Variants in RBFOX1 observed in about 807,000 individuals in gnomAD.
The protein encoded by RBFOX1 is RNA binding protein fox-1 homolog 1.
RBFOX1 carries 8 observed loss-of-function variants against 57.7 expected under a neutral mutation model. That is an observed-to-expected ratio of 0.14 (90% CI 0.08 to 0.25). The LOEUF (loss-of-function observed/expected upper bound fraction) is 0.25. Among genes scored for constraint, RBFOX1 ranks in the 10% least tolerant of loss-of-function variants. RBFOX1 has a pLI of 1.00. For missense variants in RBFOX1, 611 were observed against 548.5 expected (o/e 1.11, Z -1.14); for synonymous variants, 326 against 222.4 (o/e 1.47, Z -4.15).
At chr16:6,540,658 C>G (rs1232164751) in intron 2 of RBFOX1, among the ~76,000 whole-genome samples, 1 of 143,104 alleles carries the variant, frequency 7.0e-6, no homozygotes, top group Non-Finnish European at 1.5e-5. Flanking sequence ...AGTCTCTGTA[C>G]AGACGTTTCA....
At chr16:7,167,346 T>G (rs534670853) in intron 4 of RBFOX1, among the ~76,000 whole-genome samples, 2 of 152,002 alleles carry the variant, frequency 1.3e-5, no homozygotes, top group East Asian at 3.9e-4. Flanking sequence ...CATCCTGGAC[T>G]TAGAGTGGAC....
At chr16:7,200,177 C>G (rs565963111) in intron 4 of RBFOX1, among the ~76,000 whole-genome samples, 1 of 152,178 alleles carries the variant, frequency 6.6e-6, no homozygotes, top group Non-Finnish European at 1.5e-5. Context: ...GAATATAATG[C>G]AAAATCCTAG....
chr16:5,391,839 C>T (rs933871938), intron 1 of RBFOX1, among the ~76,000 whole-genome samples: 1 of 150,456 alleles, frequency 6.6e-6, no homozygotes, highest in Admixed American at 6.6e-5. Context: ...TACACACACA[C>T]CATATATAAA....
chr16:5,330,337 A>G (rs1302703190), intron 1 of RBFOX1, among the ~76,000 whole-genome samples: 1 of 152,210 alleles, frequency 6.6e-6, no homozygotes, highest in African/African-American at 2.4e-5. Context: ...TTACTAGAAT[A>G]AAAATTATAA....
chr16:6,943,241 C>T (rs1051021038), intron 3 of RBFOX1, among the ~76,000 whole-genome samples: 3 of 152,190 alleles, frequency 2.0e-5, no homozygotes, highest in Non-Finnish European at 4.4e-5. Flanking sequence ...AAGAGAAAGC[C>T]AGCAGTCAAT....
rs557589949 is a variant in RBFOX1 at position 7,270,687 on chromosome 16, T to C, written c.27+218589T>C. On this transcript the variant is annotated intron_variant, in intron 4 of 15. Transcript: ENST00000550418. ...TACTATTCTACCTTCTCTTTAAAAATGGAAGCTCTGGAAACATTCACTACT... is the reference window on the plus strand; with the variant it reads ...TACTATTCTACCTTCTCTTTAAAAACGGAAGCTCTGGAAACATTCACTACT... Among the ~76,000 whole-genome samples, 12 of 152,282 alleles carry C rather than the reference T, an allele frequency of 7.9e-5. No individual in the cohort carries two copies. In the South Asian group the frequency reaches 2.1e-3, roughly 26 times the overall value.
intron 4 of RBFOX1, among the ~76,000 whole-genome samples, chr16:7,252,160 C>T (rs1032236107): frequency 6.6e-6 from 1 of 152,198 alleles, no homozygotes; most frequent in Non-Finnish European, 1.5e-5. Context: ...ATGAGAACTC[C>T]TATTTCTTAC....
At chr16:6,621,022 T>C (rs1270667242) in intron 2 of RBFOX1, among the ~76,000 whole-genome samples, 1 of 152,230 alleles carries the variant, frequency 6.6e-6, no homozygotes, top group Non-Finnish European at 1.5e-5. Flanking sequence ...AAGGAGAATC[T>C]GATCCTTGCA....
At chr16:6,508,102 C>G (rs769534405) in intron 2 of RBFOX1, among the ~76,000 whole-genome samples, 2 of 152,132 alleles carry the variant, frequency 1.3e-5, no homozygotes, top group African/African-American at 2.4e-5. Flanking sequence ...CCTTAGCAAA[C>G]TAATGCAGGA....
rs112120345 is a variant in RBFOX1 at position 7,458,269 on chromosome 16, T to C, written c.28-59878T>C. 3.3e-5 allele frequency among the ~76,000 whole-genome samples: 5 copies of C among 152,264 alleles called. 1 individual carries two copies. The highest frequency in any genetic ancestry group is 1.2e-4 in the African/African-American group (5 of 41,552). Reference sequence around the variant, plus strand: ...GCAAAGGACCAGCGTCTAATGACCATGTGAATGCAGGAATTATGTGATTGT... The same window carrying C: ...GCAAAGGACCAGCGTCTAATGACCACGTGAATGCAGGAATTATGTGATTGT... On this transcript the variant is annotated intron_variant, in intron 4 of 15. Coordinates refer to ENST00000550418, the MANE Select transcript of RBFOX1 (RefSeq NM_018723.4).
At chr16:5,818,616 C>A (rs936117712) in intron 3 of RBFOX1, among the ~76,000 whole-genome samples, 1 of 152,138 alleles carries the variant, frequency 6.6e-6, no homozygotes, top group East Asian at 1.9e-4. Flanking sequence ...TTAGTTTTGA[C>A]GAGAAATTAG....
chr16:7,213,036 T>C (rs2091434200), intron 4 of RBFOX1, among the ~76,000 whole-genome samples: 1 of 152,142 alleles, frequency 6.6e-6, no homozygotes, highest in African/African-American at 2.4e-5. Context: ...CTTGCTTTTA[T>C]AGATGAGCAG....
chr16:6,919,311 A>G (rs900954534), intron 3 of RBFOX1, among the ~76,000 whole-genome samples: 1 of 152,112 alleles, frequency 6.6e-6, no homozygotes, highest in Non-Finnish European at 1.5e-5. Flanking sequence ...TTCTTGACCA[A>G]TTCCTATTTA....
chr16:7,546,889 C>T (rs2084698186), intron 5 of RBFOX1, among the ~76,000 whole-genome samples: 1 of 152,128 alleles, frequency 6.6e-6, no homozygotes. Flanking sequence ...GTGATTGTTT[C>T]TGTAGGATAA....
rs180779823 is a variant in RBFOX1 at position 5,717,533 on chromosome 16, C to G, written c.318+118572C>G. On this transcript the variant is annotated intron_variant, in intron 3 of 19. Transcript: ENST00000641259. ...ACCCTTCACCCTTAGTCCCCAAAGT[C>G]CATTTTTCATTCTTATGCTTTTGTA... Among the ~76,000 whole-genome samples the G allele has an allele frequency of 1.1e-3, 164 of 152,226 alleles. No homozygotes were observed. The Middle Eastern group carries it at 0.017, about 16-fold the overall frequency.
intron 4 of RBFOX1, among the ~76,000 whole-genome samples, chr16:7,204,187 A>G (rs926192484): frequency 1.8e-4 from 27 of 152,268 alleles, no homozygotes; most frequent in African/African-American, 6.5e-4. Context: ...ATTCATTCCA[A>G]TGATCCATTC....
rs78615185 is a variant in RBFOX1, at chr16:7,261,085, T to G, written c.27+208987T>G. 4.6e-3 allele frequency among the ~76,000 whole-genome samples: 701 copies of G among 152,164 alleles called. 7 individuals carry two copies. The highest frequency in any genetic ancestry group is 0.016 in the African/African-American group (668 of 41,516). On this transcript the variant is annotated intron_variant, in intron 4 of 15. Transcript: ENST00000550418. ...GGCCCAAAATGGACAATAAAGGAAT[T>G]TGGAGGGACAATGGCATCAAGTCAG...
intron 3 of RBFOX1, among the ~76,000 whole-genome samples, chr16:5,624,965 G>A (rs1433882828): frequency 6.6e-6 from 1 of 152,158 alleles, no homozygotes; most frequent in Non-Finnish European, 1.5e-5. Flanking sequence ...ACCCGGATTT[G>A]GGGCCGTGTG....
At chr16:7,544,753 G>C (rs1239167595) in intron 5 of RBFOX1, among the ~76,000 whole-genome samples, 1 of 152,160 alleles carries the variant, frequency 6.6e-6, no homozygotes, top group Non-Finnish European at 1.5e-5. Context: ...GGCAGTCCTA[G>C]GAAAGTAATA....
Sources: gnomAD v4.1 joint callset for allele counts (sites outside exome capture counted in the v4.1 genomes callset) on GRCh38, gnomAD v4.1.1 for gene constraint, MANE v1.5 for transcripts, NCBI Gene and HGNC (gene_info 2026-07-23, HGNC 2026-07-21) for gene names.